PGPEP1L: variants seen among roughly 807,000 people sequenced by gnomAD.
PGPEP1L encodes the protein pyroglutamyl-peptidase I like.
PGPEP1L carries 7 observed loss-of-function variants against 6.0 expected under a neutral mutation model. That is an observed-to-expected ratio of 1.17 (90% CI 0.66 to 2.19). PGPEP1L has a LOEUF of 2.19. PGPEP1L is among the 30% of genes most tolerant of loss of function. PGPEP1L has a pLI of 0.00. For synonymous variants in PGPEP1L, 103 were observed against 83.9 expected, an observed-to-expected ratio of 1.23 and a Z score of -1.24; for missense variants, 209 against 192.5, an observed-to-expected ratio of 1.09 and a Z score of -0.51.
chr15:98,980,339 G>C, intron 2 of PGPEP1L, among the ~76,000 whole-genome samples: 1 of 152,318 alleles, frequency 6.6e-6, no homozygotes, highest in Non-Finnish European at 1.5e-5. Flanking sequence ...GTAAAGGGAG[G>C]AGGGGGGAGG....
intron 2 of PGPEP1L, among the ~76,000 whole-genome samples, chr15:98,988,531 AG>A (rs2017778773): frequency 1.3e-5 from 2 of 152,208 alleles, no homozygotes; most frequent in Admixed American, 6.5e-5. Flanking sequence ...CCTGGGACAG[AG>A]CACCTGGGGG....
At chr15:98,992,840 AT>A (rs564433629) in intron 2 of PGPEP1L, among the ~76,000 whole-genome samples, 13 of 152,364 alleles carry the variant, frequency 8.5e-5, no homozygotes, top group Admixed American at 7.2e-4. Context: ...AAAACAAGCA[AT>A]GGGGAAAGGA....
At chr15:99,006,131 C>T (rs1317908855) in intron 1 of PGPEP1L, among the ~76,000 whole-genome samples, 23 of 152,212 alleles carry the variant, frequency 1.5e-4, no homozygotes, top group African/African-American at 5.5e-4. Flanking sequence ...GCTGTGGGTC[C>T]TCAGGGAAGT....
intron 2 of PGPEP1L, among the ~76,000 whole-genome samples, chr15:98,979,155 C>CA (rs1397619750): frequency 8.6e-5 from 13 of 152,016 alleles, no homozygotes; most frequent in African/African-American, 3.1e-4. Context: ...CCCATGCTGA[C>CA]AGAGTGCGTA....
intron 2 of PGPEP1L, among the ~76,000 whole-genome samples, chr15:98,979,368 CAATAA>C (rs1768211979): frequency 6.6e-6 from 1 of 151,750 alleles, no homozygotes; most frequent in Non-Finnish European, 1.5e-5. Flanking sequence ...CTCTTTGCAT[CAATAA>C]AATATGGTAG....
chr15:98,985,538 A>AAAAC (rs201848273), intron 2 of PGPEP1L, among the ~76,000 whole-genome samples: 6 of 152,192 alleles, frequency 3.9e-5, no homozygotes, highest in African/African-American at 1.4e-4. Context: ...ACTCCATCTC[A>AAAAC]AAACAAACAA....
At chr15:98,971,399 C>T (rs964765519) in intron 2 of PGPEP1L, among the ~76,000 whole-genome samples, 1 of 152,100 alleles carries the variant, frequency 6.6e-6, no homozygotes, top group Admixed American at 6.5e-5. Flanking sequence ...GAGGCTGAGG[C>T]AGGAGAATCA....
chr15:98,992,561 T>C (rs570274547), intron 2 of PGPEP1L, among the ~76,000 whole-genome samples: 34 of 152,330 alleles, frequency 2.2e-4, no homozygotes, highest in African/African-American at 7.2e-4. Context: ...CCCATCAAGC[T>C]ACCATTGACT....
At position 99,005,418 on chromosome 15, in the gene PGPEP1L, T is replaced by C. The variant is rs1219461585; in HGVS notation, c.-142+11A>G. Reference sequence around the variant, plus strand: ...CAACAAATAGGAGAGAAAAAAATTATGTAGTCTTACCAGTCACCACCACGC... The same window carrying C: ...CAACAAATAGGAGAGAAAAAAATTACGTAGTCTTACCAGTCACCACCACGC... On this transcript the variant is annotated intron_variant, in intron 2 of 4. Coordinates refer to ENST00000535714, the MANE Select transcript of PGPEP1L (RefSeq NM_001167902.2). The C allele has an allele frequency of 5.2e-5, 8 of 152,572 alleles. No individual in the cohort carries two copies. Among genetic ancestry groups the C allele is most frequent in the South Asian group, 2.1e-4 (1 of 4,838 alleles). 9.5% of individuals were successfully genotyped at this position (152,572 alleles called of 1,614,324 possible).
intron 2 of PGPEP1L, among the ~76,000 whole-genome samples, chr15:98,972,747 T>C (rs1271535857): frequency 6.6e-6 from 1 of 151,882 alleles, no homozygotes; most frequent in Non-Finnish European, 1.5e-5. Context: ...GGCAGGCACC[T>C]GTAGTCCCAG....
At chr15:98,980,178 T>A (rs1365380820) in intron 2 of PGPEP1L, among the ~76,000 whole-genome samples, 1 of 152,082 alleles carries the variant, frequency 6.6e-6, no homozygotes, top group Non-Finnish European at 1.5e-5. Context: ...CAAAAACTTA[T>A]GAAAATAAAG....
At chr15:98,972,624 T>C (rs1168718627) in intron 2 of PGPEP1L, among the ~76,000 whole-genome samples, 1 of 151,788 alleles carries the variant, frequency 6.6e-6, no homozygotes, top group Non-Finnish European at 1.5e-5. Flanking sequence ...ATCGCAGCAC[T>C]TTGGGACACC....
In PGPEP1L at chr15:98,971,091, T is replaced by A; in HGVS notation, c.-74A>T. The A allele has an allele frequency of 6.2e-7, 1 of 1,612,068 alleles. No individual in the cohort carries two copies. Among genetic ancestry groups the A allele is most frequent in the Non-Finnish European group, 8.5e-7 (1 of 1,179,026 alleles). ...GACCCTCCGCTTAGCCTCCCTGTAA[T>A]CTACAGGCAGCTCCAGAGTCCGCAG... On this transcript the variant is annotated 5_prime_UTR_variant, in exon 3 of 5. Coordinates refer to ENST00000535714, the MANE Select transcript of PGPEP1L (RefSeq NM_001167902.2).
intron 2 of PGPEP1L, among the ~76,000 whole-genome samples, chr15:98,976,704 G>A (rs542336487): frequency 1.1e-4 from 17 of 152,316 alleles, no homozygotes; most frequent in Middle Eastern, 3.4e-3. Flanking sequence ...GCCTGAGCAC[G>A]GTGAGCTGGC....
At chr15:98,972,086 T>A (rs1359127635) in intron 2 of PGPEP1L, among the ~76,000 whole-genome samples, 2 of 152,152 alleles carry the variant, frequency 1.3e-5, no homozygotes, top group Non-Finnish European at 2.9e-5. Flanking sequence ...GGCATGGTGG[T>A]TCACACCTGT....
chr15:98,988,372 C>T (rs570961961), intron 2 of PGPEP1L, among the ~76,000 whole-genome samples: 6 of 152,134 alleles, frequency 3.9e-5, no homozygotes, highest in African/African-American at 9.7e-5. Context: ...ACAAAGCCAC[C>T]GGGAAGTTCA....
chr15:98,995,638 G>A (rs1216077527), intron 2 of PGPEP1L, among the ~76,000 whole-genome samples: 3 of 152,236 alleles, frequency 2.0e-5, no homozygotes, highest in Admixed American at 6.5e-5. Flanking sequence ...AGAGGTTGCA[G>A]TGAGCCAAGA....
At chr15:98,994,467 A>G (rs2017861080) in intron 2 of PGPEP1L, among the ~76,000 whole-genome samples, 1 of 151,810 alleles carries the variant, frequency 6.6e-6, no homozygotes. Flanking sequence ...CAGCCTGGGC[A>G]ACATGGCAAA....
chr15:99,002,754 A>T lies in PGPEP1L; in HGVS notation c.-142+2675T>A, dbSNP rs556676374. 3.4e-4 allele frequency among the ~76,000 whole-genome samples: 52 copies of T among 152,322 alleles called. 1 individual carries two copies. Among genetic ancestry groups the T allele is most frequent in the African/African-American group, 1.2e-3 (50 of 41,586 alleles). On this transcript the variant is annotated intron_variant, in intron 2 of 4. Coordinates refer to ENST00000535714, the MANE Select transcript of PGPEP1L (RefSeq NM_001167902.2). Reference sequence around the variant, plus strand: ...GTGCTCAATTAAGTGGGCTGCAGATACAAGTGGAATTCTCTAACTCAGCTT... The same window carrying T: ...GTGCTCAATTAAGTGGGCTGCAGATTCAAGTGGAATTCTCTAACTCAGCTT...
Sources: gnomAD v4.1 joint callset for allele counts (sites outside exome capture counted in the v4.1 genomes callset) on GRCh38, gnomAD v4.1.1 for gene constraint, MANE v1.5 for transcripts, NCBI Gene and HGNC (gene_info 2026-07-23, HGNC 2026-07-21) for gene names.